The following GALNT13 variants were observed in gnomAD, a reference collection of about 807,000 sequenced individuals.
GALNT13 encodes UDP-GalNAc:polypeptide N-acetylgalactosaminyltransferase 13.
GALNT13 carries 28 observed loss-of-function variants against 64.2 expected under a neutral mutation model. The observed-to-expected ratio is 0.44, with a 90% CI of 0.32 to 0.60. GALNT13 has a LOEUF of 0.60. Ranked by LOEUF, GALNT13 falls within the 20% of genes least tolerant of loss-of-function variation. The pLI is 0.05. For missense variants in GALNT13, 577 were observed against 669.8 expected (o/e 0.86, Z 1.53); for synonymous variants, 214 against 224.6 (o/e 0.95, Z 0.42).
chr2:153,897,167 G>A (rs17618875), intron 1 of GALNT13, among the ~76,000 whole-genome samples: 11,668 of 152,002 alleles, frequency 0.077, 512 homozygotes, highest in East Asian at 0.13. Flanking sequence ...CTCTATAACC[G>A]GTGTGTAATT....
chr2:153,942,091 G>A (rs1180003337), intron 2 of GALNT13, among the ~76,000 whole-genome samples: 4 of 152,104 alleles, frequency 2.6e-5, no homozygotes, highest in Non-Finnish European at 5.9e-5. Context: ...AATTAATACT[G>A]AGTGATTTCA....
At chr2:153,330,719 A>G in the GALNT13 span, among the ~76,000 whole-genome samples, 1 of 152,042 alleles carries the variant, frequency 6.6e-6, no homozygotes, top group Non-Finnish European at 1.5e-5. Context: ...CATATCATTC[A>G]CAGCGAGAGA....
the GALNT13 span, among the ~76,000 whole-genome samples, chr2:153,534,402 T>C: frequency 6.6e-6 from 1 of 152,164 alleles, no homozygotes; most frequent in Non-Finnish European, 1.5e-5. Context: ...GTTTCTCCGA[T>C]TTGTTTCTCC....
chr2:153,074,838 G>A, the GALNT13 span, among the ~76,000 whole-genome samples: 16,190 of 152,116 alleles, frequency 0.11, 917 homozygotes, highest in Non-Finnish European at 0.12. Context: ...AGGCTCCAGC[G>A]ATCCTATCAC....
chr2:153,950,050 CAT>C (rs1470130883), intron 3 of GALNT13, among the ~76,000 whole-genome samples: 2 of 100,880 alleles, frequency 2.0e-5, no homozygotes, highest in East Asian at 3.7e-4. Flanking sequence ...ATTCTTAAAA[CAT>C]AAAAAAATTA....
At chr2:154,403,963 T>C (rs999602913) in intron 10 of GALNT13, among the ~76,000 whole-genome samples, 2 of 152,210 alleles carry the variant, frequency 1.3e-5, no homozygotes, top group African/African-American at 4.8e-5. Flanking sequence ...GAGTAATAGG[T>C]TGGCACATAC....
chr2:153,122,708 C>G, the GALNT13 span, among the ~76,000 whole-genome samples: 2 of 152,192 alleles, frequency 1.3e-5, no homozygotes, highest in Non-Finnish European at 2.9e-5. Context: ...CCAGCAGATA[C>G]CTTATCCCTT....
chr2:154,065,925 A>G (rs1700438847), intron 3 of GALNT13, among the ~76,000 whole-genome samples: 1 of 150,572 alleles, frequency 6.6e-6, no homozygotes, highest in South Asian at 2.1e-4. Flanking sequence ...GAAATATGTG[A>G]TTTTTCAGAC....
chr2:154,454,450 T>G (rs1337065358), downstream of GALNT13: 1 of 151,816 alleles, frequency 6.6e-6, no homozygotes, highest in Admixed American at 6.6e-5. Flanking sequence ...ATCACTTGAG[T>G]TCAGAACTGC....
the GALNT13 span, among the ~76,000 whole-genome samples, chr2:153,366,756 C>T: frequency 6.7e-6 from 1 of 148,490 alleles, no homozygotes; most frequent in Non-Finnish European, 1.5e-5. Flanking sequence ...CACACACACA[C>T]ACACACACAC....
At chr2:153,400,672 G>A in the GALNT13 span, among the ~76,000 whole-genome samples, 31 of 152,290 alleles carry the variant, frequency 2.0e-4, no homozygotes, top group African/African-American at 7.5e-4. Context: ...ATTTGTCGAG[G>A]AATTTATCCA....
At chr2:153,561,004 T>C in the GALNT13 span, among the ~76,000 whole-genome samples, 5 of 152,030 alleles carry the variant, frequency 3.3e-5, no homozygotes, top group Admixed American at 3.3e-4. Context: ...TTTTTCCTTA[T>C]ATCTCTTATT....
At chr2:154,408,798 T>C (rs1269883277) in intron 10 of GALNT13, among the ~76,000 whole-genome samples, 186 bp from the exon 11 acceptor site, 5 of 152,024 alleles carry the variant, frequency 3.3e-5, no homozygotes, top group African/African-American at 1.2e-4. Flanking sequence ...AGTTTAGAAA[T>C]GTATACAGGT....
At chr2:153,775,957 A>T in the GALNT13 span, among the ~76,000 whole-genome samples, 12 of 152,264 alleles carry the variant, frequency 7.9e-5, no homozygotes, top group South Asian at 2.5e-3. Flanking sequence ...TTCATTAGAA[A>T]CTTTGTCCAT....
At chr2:154,337,679 C>G (rs1171728080) in intron 9 of GALNT13, among the ~76,000 whole-genome samples, 1 of 151,708 alleles carries the variant, frequency 6.6e-6, no homozygotes, top group Non-Finnish European at 1.5e-5. Flanking sequence ...TTACATTTTT[C>G]CATAGGCCAT....
At chr2:154,142,164 A>C (rs944578947) in intron 4 of GALNT13, among the ~76,000 whole-genome samples, 1 of 152,160 alleles carries the variant, frequency 6.6e-6, no homozygotes, top group Non-Finnish European at 1.5e-5. Flanking sequence ...AAAATTTGCC[A>C]CCTCTAGTGG....
chr2:153,818,750 T>C, the GALNT13 span, among the ~76,000 whole-genome samples: 1 of 152,174 alleles, frequency 6.6e-6, no homozygotes, highest in African/African-American at 2.4e-5. Flanking sequence ...TAAAGGGTCC[T>C]GCCCTCCCCA....
chr2:154,223,186 C>T (rs1688405410), intron 4 of GALNT13, among the ~76,000 whole-genome samples: 1 of 151,844 alleles, frequency 6.6e-6, no homozygotes, highest in South Asian at 2.1e-4. Context: ...AAGGAGAAAC[C>T]TATTATTTTG....
At chr2:154,436,620 TTAAA>T (rs1016353823) in intron 11 of GALNT13, 1 of 152,210 alleles carries the variant, frequency 6.6e-6, no homozygotes, top group African/African-American at 2.4e-5. Flanking sequence ...ACTTGTGTAA[TTAAA>T]TAAGTTTGTA....
Sources: allele counts gnomAD v4.1 joint callset (sites outside exome capture counted in the v4.1 genomes callset), GRCh38; gene constraint gnomAD v4.1.1; transcripts MANE v1.5; gene names NCBI Gene and HGNC (gene_info 2026-07-23, HGNC 2026-07-21).